The following SDK1 variants were observed in gnomAD, a reference collection of about 807,000 sequenced individuals.
SDK1 encodes sidekick cell adhesion molecule 1.
A neutral mutation model predicts 245.5 loss-of-function variants in SDK1; 157 were observed. The observed-to-expected ratio is 0.64, with a 90% CI of 0.56 to 0.73. The LOEUF (loss-of-function observed/expected upper bound fraction) is 0.73, where lower values mean the gene tolerates loss of function less well. Among genes scored for constraint, SDK1 ranks in the 30% least tolerant of loss-of-function variants. SDK1 has a pLI of 0.00. For synonymous variants in SDK1, 1,647 were observed against 1,278.5 expected, an observed-to-expected ratio of 1.29 and a Z score of -6.15; for missense variants, 3,583 against 3,002.3, an observed-to-expected ratio of 1.19 and a Z score of -4.52.
chr7:4,017,861 C>T (rs564524695), intron 17 of SDK1, among the ~76,000 whole-genome samples: 29 of 152,304 alleles, frequency 1.9e-4, no homozygotes, highest in Non-Finnish European at 4.0e-4. Flanking sequence ...TAAAAACTGC[C>T]CCCGACCCCT....
intron 35 of SDK1, among the ~76,000 whole-genome samples, chr7:4,181,593 C>T (rs1015079206): frequency 5.3e-5 from 8 of 152,180 alleles, no homozygotes; most frequent in African/African-American, 1.9e-4. Flanking sequence ...CCCTCCTTTC[C>T]AGAGGCCTGC....
intron 2 of SDK1, among the ~76,000 whole-genome samples, chr7:3,627,588 G>A (rs879350465): frequency 1.3e-5 from 2 of 152,206 alleles, no homozygotes; most frequent in Non-Finnish European, 2.9e-5. Context: ...TCGCACTGAG[G>A]GCTCAGCATC....
intron 1 of SDK1, among the ~76,000 whole-genome samples, chr7:3,337,363 TAG>T (rs1452219707): frequency 4.0e-5 from 6 of 148,796 alleles, no homozygotes; most frequent in Non-Finnish European, 7.4e-5. Flanking sequence ...GTGAAAAAAA[TAG>T]ACTGGAAAAA....
At chr7:3,612,378 A>G (rs117093018) in intron 1 of SDK1, among the ~76,000 whole-genome samples, 4,829 of 152,336 alleles carry the variant, frequency 0.032, 103 homozygotes, top group Middle Eastern at 0.054. Flanking sequence ...TTTGAAAATC[A>G]TAATTGTTGT....
At position 3,580,028 on chromosome 7, in the gene SDK1, C is replaced by T. The variant is rs563851657; in HGVS notation, c.299-39052C>T. Among the ~76,000 whole-genome samples, 8 of 152,262 alleles carry T rather than the reference C, an allele frequency of 5.3e-5. No individual in the cohort carries two copies. In the South Asian group the frequency reaches 1.5e-3, roughly 28 times the overall value. ...CAAGCTGAGAGCCAAGTAGGGAATG[C>T]AATCCCATTCTCAATAGCCACAAAC... On this transcript the variant is annotated intron_variant, in intron 1 of 44. Coordinates refer to ENST00000404826, the MANE Select transcript of SDK1 (RefSeq NM_152744.4).
At chr7:3,580,527 A>T (rs1370561986) in intron 1 of SDK1, among the ~76,000 whole-genome samples, 1 of 152,214 alleles carries the variant, frequency 6.6e-6, no homozygotes, top group African/African-American at 2.4e-5. Flanking sequence ...AAAGCTGACA[A>T]AAACAAGAAA....
At chr7:3,407,558 C>T (rs1482700178) in intron 1 of SDK1, among the ~76,000 whole-genome samples, 1 of 152,080 alleles carries the variant, frequency 6.6e-6, no homozygotes, top group Non-Finnish European at 1.5e-5. Context: ...AATATGTTAT[C>T]TAAGGGTGTG....
intron 1 of SDK1, among the ~76,000 whole-genome samples, chr7:3,498,357 C>A (rs925441299): frequency 6.6e-6 from 1 of 152,218 alleles, no homozygotes; most frequent in East Asian, 1.9e-4. Context: ...AGGCTAGTTT[C>A]TTTATTTACC....
At chr7:3,639,616 C>T (rs891857) in intron 3 of SDK1, among the ~76,000 whole-genome samples, 142,918 of 152,140 alleles carry the variant, frequency 0.94, 67,173 homozygotes, top group Admixed American at 0.96. Context: ...TTTTGGAGAA[C>T]GAAACTTTTA....
intron 2 of SDK1, among the ~76,000 whole-genome samples, chr7:3,620,092 A>T (rs1247102719): frequency 1.3e-5 from 2 of 152,180 alleles, no homozygotes; most frequent in Non-Finnish European, 2.9e-5. Flanking sequence ...TGAAATAAGA[A>T]AGAGTGGGCT....
intron 1 of SDK1, among the ~76,000 whole-genome samples, chr7:3,383,018 T>C (rs1312243625): frequency 5.3e-5 from 8 of 152,304 alleles, no homozygotes; most frequent in South Asian, 2.1e-4. Flanking sequence ...ACCAGTGATA[T>C]TACTAGCAAA....
chr7:3,463,293 A>C (rs909817016), intron 1 of SDK1, among the ~76,000 whole-genome samples: 7 of 151,988 alleles, frequency 4.6e-5, no homozygotes, highest in Non-Finnish European at 1.5e-5. Flanking sequence ...TTGTTTTTTC[A>C]CCATTTTAAC....
At chr7:3,565,615 G>A (rs1184925740) in intron 1 of SDK1, among the ~76,000 whole-genome samples, 1 of 152,146 alleles carries the variant, frequency 6.6e-6, no homozygotes, top group African/African-American at 2.4e-5. Flanking sequence ...GTATCTGGAG[G>A]GGAGTGGTTC....
chr7:3,946,033 A>T (rs1461517720), intron 5 of SDK1, among the ~76,000 whole-genome samples: 2 of 151,270 alleles, frequency 1.3e-5, no homozygotes, highest in African/African-American at 4.8e-5. Context: ...AATCCAACCA[A>T]TAAGAGCCCT....
At position 4,145,749 on chromosome 7, in the gene SDK1, G is replaced by C. The variant is rs1438683547; in HGVS notation, c.4256G>C (p.Ser1419Thr). The C allele has an allele frequency of 4.3e-6, 7 of 1,610,826 alleles. No individual in the cohort carries two copies. Residue 1419 changes from serine to threonine, a missense_variant, in exon 29 of 45, where the codon AGC (serine) becomes ACC (threonine). Ser to Thr is a moderately conservative substitution (Grantham distance 58). Transcript: ENST00000404826. Reference protein sequence around the residue: ...LGYQIAYRLASSSPHTFTTVE... With the variant: ...LGYQIAYRLATSSPHTFTTVE... ...TACCAGATTGCCTACCGCCTGGCCA[G>C]CAGCAGCCCCCACACCTTCACCACC...
At chr7:4,012,018 A>G (rs759643928) in intron 15 of SDK1, 77 bp from the exon 16 acceptor site, 1 of 1,234,750 alleles carries the variant, frequency 8.1e-7, no homozygotes, top group Non-Finnish European at 1.1e-6. Flanking sequence ...AGATTCAGCA[A>G]GATAGATGAA....
intron 17 of SDK1, among the ~76,000 whole-genome samples, chr7:4,022,818 G>T (rs1205625042): frequency 1.4e-5 from 2 of 145,218 alleles, no homozygotes; most frequent in African/African-American, 5.3e-5. Flanking sequence ...CTGTCTCCCA[G>T]GCTGGAGTGC....
intron 1 of SDK1, among the ~76,000 whole-genome samples, chr7:3,355,712 A>G (rs1780775577): frequency 6.6e-6 from 1 of 152,192 alleles, no homozygotes; most frequent in Admixed American, 6.5e-5. Flanking sequence ...TTATATTTTA[A>G]CAAAGGCTTC....
chr7:3,438,646 CACTT>C (rs1405323823), intron 1 of SDK1, among the ~76,000 whole-genome samples: 2 of 152,060 alleles, frequency 1.3e-5, no homozygotes, highest in Non-Finnish European at 2.9e-5. Context: ...CTGGGGCTGT[CACTT>C]AGTTGGTGTG....
Sources: gnomAD v4.1 joint callset for allele counts (sites outside exome capture counted in the v4.1 genomes callset) on GRCh38, gnomAD v4.1.1 for gene constraint, MANE v1.5 for transcripts, NCBI Gene and HGNC (gene_info 2026-07-23, HGNC 2026-07-21) for gene names.